PTPRN2: variants seen among roughly 807,000 people sequenced by gnomAD.
The protein encoded by PTPRN2 is receptor-type tyrosine-protein phosphatase N2.
In PTPRN2, 74 loss-of-function variants were observed where a neutral mutation model predicts 118.8. The observed-to-expected ratio is 0.62, with a 90% CI of 0.52 to 0.76. The LOEUF (loss-of-function observed/expected upper bound fraction) is 0.76, where lower values mean the gene tolerates loss of function less well. Ranked by LOEUF, PTPRN2 falls within the 30% of genes least tolerant of loss-of-function variation. PTPRN2 has a pLI of 0.00. For missense variants in PTPRN2, 1,481 were observed against 1,394.4 expected (o/e 1.06, Z -0.99); for synonymous variants, 641 against 608.0 (o/e 1.05, Z -0.80).
At chr7:158,121,184 C>G (rs1817145822) in intron 9 of PTPRN2, among the ~76,000 whole-genome samples, 1 of 152,132 alleles carries the variant, frequency 6.6e-6, no homozygotes, top group Non-Finnish European at 1.5e-5. Context: ...CTTGCCTCAG[C>G]CCCCTGCACC....
At chr7:158,266,534 C>T (rs527314843) in intron 3 of PTPRN2, among the ~76,000 whole-genome samples, 5 of 152,024 alleles carry the variant, frequency 3.3e-5, no homozygotes, top group African/African-American at 4.8e-5. Context: ...GTGTCTGCTG[C>T]GGTGTGATGT....
At chr7:158,358,850 G>C (rs1808598037) in intron 2 of PTPRN2, among the ~76,000 whole-genome samples, 1 of 152,228 alleles carries the variant, frequency 6.6e-6, no homozygotes, top group African/African-American at 2.4e-5. Flanking sequence ...AAGTTGGCAG[G>C]TGGATGGTGG....
At chr7:157,975,036 A>G (rs977813401) in intron 11 of PTPRN2, among the ~76,000 whole-genome samples, 1 of 152,098 alleles carries the variant, frequency 6.6e-6, no homozygotes, top group Non-Finnish European at 1.5e-5. Context: ...TTTCTGGATA[A>G]GAACTCACAC....
intron 11 of PTPRN2, among the ~76,000 whole-genome samples, chr7:157,900,221 C>A (rs1584980102): frequency 6.6e-6 from 1 of 152,180 alleles, no homozygotes; most frequent in African/African-American, 2.4e-5. Flanking sequence ...GCTCGGCAGG[C>A]CCACGGCTCT....
intron 3 of PTPRN2, among the ~76,000 whole-genome samples, chr7:158,275,790 G>A (rs1468898772): frequency 6.6e-6 from 1 of 152,134 alleles, no homozygotes; most frequent in Admixed American, 6.5e-5. Flanking sequence ...CAGTGATGGG[G>A]CCTCCACCGC....
chr7:157,821,970 C>T (rs1806868822), intron 12 of PTPRN2, among the ~76,000 whole-genome samples: 1 of 151,774 alleles, frequency 6.6e-6, no homozygotes, highest in African/African-American at 2.4e-5. Flanking sequence ...ACCCATCCAT[C>T]CATCTGTACA....
intron 11 of PTPRN2, among the ~76,000 whole-genome samples, chr7:157,993,448 A>C (rs1804411199): frequency 6.6e-6 from 1 of 151,910 alleles, no homozygotes; most frequent in Non-Finnish European, 1.5e-5. Flanking sequence ...CCCCTTTCAG[A>C]AATGTAATTT....
At chr7:157,879,411 G>T (rs1563201287) in intron 12 of PTPRN2, among the ~76,000 whole-genome samples, 1 of 151,436 alleles carries the variant, frequency 6.6e-6, no homozygotes, top group African/African-American at 2.4e-5. Flanking sequence ...ACGCACACGT[G>T]CACGCACACA....
intron 3 of PTPRN2, among the ~76,000 whole-genome samples, chr7:158,283,481 C>T (rs1487681597): frequency 2.6e-5 from 4 of 152,160 alleles, no homozygotes; most frequent in East Asian, 1.9e-4. Context: ...AGGGGCTTGC[C>T]GCAGGGACGG....
chr7:158,462,620 G>A (rs78307473), intron 2 of PTPRN2, among the ~76,000 whole-genome samples: 1 of 152,116 alleles, frequency 6.6e-6, no homozygotes, highest in Middle Eastern at 3.2e-3. Flanking sequence ...AAAAAGGAGT[G>A]GTTCCTCAAT....
intron 2 of PTPRN2, among the ~76,000 whole-genome samples, chr7:158,445,690 C>G (rs560266565): frequency 6.6e-6 from 1 of 152,242 alleles, no homozygotes; most frequent in Non-Finnish European, 1.5e-5. Flanking sequence ...AGCTTCCTGC[C>G]GCATCTTGGG....
At chr7:158,081,276 G>T in intron 11 of PTPRN2, 22 bp downstream of exon 11, 5 of 1,599,776 alleles carry the variant, frequency 3.1e-6, no homozygotes, top group East Asian at 2.2e-5. Flanking sequence ...GTGCGTGTAC[G>T]TGTGTGTGGA....
At chr7:157,864,799 G>T (rs748444347) in intron 12 of PTPRN2, 2 of 152,244 alleles carry the variant, frequency 1.3e-5, no homozygotes, top group Non-Finnish European at 2.9e-5. Context: ...CCAGGTTTGG[G>T]CCCCAAGGTG....
chr7:158,506,800 C>T (rs925507450), intron 1 of PTPRN2, among the ~76,000 whole-genome samples: 8 of 152,094 alleles, frequency 5.3e-5, no homozygotes, highest in Non-Finnish European at 1.2e-4. Context: ...TGTCTCCTCA[C>T]TCCCCCGCCC....
chr7:158,109,687 CCT>C (rs1166913290), intron 10 of PTPRN2, among the ~76,000 whole-genome samples: 5 of 151,670 alleles, frequency 3.3e-5, no homozygotes, highest in East Asian at 3.9e-4. Flanking sequence ...TGATGTCACC[CCT>C]GTGTGAGGGA....
intron 11 of PTPRN2, among the ~76,000 whole-genome samples, chr7:158,042,562 C>T (rs530221906): frequency 2.0e-4 from 30 of 152,362 alleles, no homozygotes; most frequent in Middle Eastern, 3.4e-3. Context: ...CCGCACTTAA[C>T]ATCTTCGCAG....
intron 12 of PTPRN2, among the ~76,000 whole-genome samples, chr7:157,758,370 C>T (rs2151001513): frequency 6.6e-6 from 1 of 152,332 alleles, no homozygotes; most frequent in East Asian, 1.9e-4. Context: ...TCAGGGTAAC[C>T]TCCATGTCCC....
chr7:157,648,583 A>G (rs546472078), intron 14 of PTPRN2, among the ~76,000 whole-genome samples: 2 of 128,378 alleles, frequency 1.6e-5, no homozygotes, highest in South Asian at 3.1e-4. Flanking sequence ...TCCAGCATGC[A>G]CTGAACTCGG....
chr7:157,718,587 C>T (rs1388429235), intron 12 of PTPRN2, among the ~76,000 whole-genome samples: 1 of 151,660 alleles, frequency 6.6e-6, no homozygotes, highest in Non-Finnish European at 1.5e-5. Context: ...TGGTGAGTCT[C>T]AGCATGTCCA....
Sources: allele counts gnomAD v4.1 joint callset (sites outside exome capture counted in the v4.1 genomes callset), GRCh38; gene constraint gnomAD v4.1.1; transcripts MANE v1.5; gene names NCBI Gene and HGNC (gene_info 2026-07-23, HGNC 2026-07-21).